HEATR5A: variants seen among roughly 807,000 people sequenced by gnomAD.
The protein encoded by HEATR5A is HEAT repeat containing 5A.
HEATR5A carries 178 observed loss-of-function variants against 218.8 expected under a neutral mutation model. The observed-to-expected ratio is 0.81, with a 90% CI of 0.72 to 0.92. The LOEUF is 0.92. Ranked by LOEUF, HEATR5A falls within the 40% of genes least tolerant of loss-of-function variation. The pLI, the probability that HEATR5A is intolerant of heterozygous loss-of-function variation, is 0.00. For missense variants in HEATR5A, 2,420 were observed against 2,418.9 expected, an observed-to-expected ratio of 1.00 and a Z score of -0.01; for synonymous variants, 864 against 871.6, an observed-to-expected ratio of 0.99 and a Z score of 0.15.
At chr14:31,405,339 C>T (rs767805701) in intron 1 of HEATR5A, among the ~76,000 whole-genome samples, 1 of 152,042 alleles carries the variant, frequency 6.6e-6, no homozygotes. Context: ...GAGGTTGAGG[C>T]AGGAGTATCG....
At chr14:31,383,460 A>G in intron 10 of HEATR5A, 61 bp downstream of exon 10, 1 of 1,488,422 alleles carries the variant, frequency 6.7e-7, no homozygotes, top group Non-Finnish European at 9.1e-7. Flanking sequence ...TTCTGTTACT[A>G]TGTGAAGATA....
chr14:31,337,657 T>G (rs1269774343), intron 21 of HEATR5A, 43 bp from the exon 22 acceptor site: 1 of 1,569,314 alleles, frequency 6.4e-7, no homozygotes, highest in South Asian at 1.2e-5. Context: ...AAAATTCTTG[T>G]TGGCACTCAG....
In HEATR5A at chr14:31,358,786, G is replaced by A. The variant is rs367722073; in HGVS notation, c.2262C>T (p.Cys754=). 48 of 1,613,536 alleles carry A rather than the reference G, an allele frequency of 3.0e-5. No individual in the cohort carries two copies. The highest frequency in any genetic ancestry group is 1.6e-4 in the Middle Eastern group (1 of 6,084). Residue 754 remains cysteine (C), a synonymous_variant, in exon 16 of 36, where the codon TGC becomes TGT. Coordinates refer to ENST00000543095, the MANE Select transcript of HEATR5A (RefSeq NM_015473.4). ...AATAAGGGTCATATTCAAGACTTCC[G>A]CAAGCAACACCATTACCAAGCAGGA... is the stretch of plus-strand genomic sequence containing the variant. ...EQLLLGNGVA[C]GSLEYDPYSI...
intron 24 of HEATR5A, among the ~76,000 whole-genome samples, chr14:31,322,831 A>AC (rs1900152142): frequency 6.6e-6 from 1 of 151,702 alleles, no homozygotes; most frequent in African/African-American, 2.4e-5. Flanking sequence ...AAAAAAAAAA[A>AC]AAAAACACAA....
chr14:31,381,529 G>A (rs2029981500), intron 10 of HEATR5A, among the ~76,000 whole-genome samples: 1 of 127,828 alleles, frequency 7.8e-6, no homozygotes, highest in Non-Finnish European at 1.6e-5. Context: ...ATTGCAGCCT[G>A]GGCAATAAAG....
chr14:31,389,767 C>T (rs2030374877), intron 6 of HEATR5A, among the ~76,000 whole-genome samples: 1 of 152,152 alleles, frequency 6.6e-6, no homozygotes, highest in Admixed American at 6.5e-5. Flanking sequence ...AAACCTCCTC[C>T]CTAGCCTAAA....
At position 31,377,318 on chromosome 14, in the gene HEATR5A, A is replaced by G. The variant is rs370791552; in HGVS notation, c.1709-2350T>C. Among the ~76,000 whole-genome samples the G allele has an allele frequency of 2.0e-5, 3 of 152,232 alleles. 1 individual carries two copies. The highest frequency in any genetic ancestry group is 7.2e-5 in the African/African-American group (3 of 41,534). On this transcript the variant is annotated intron_variant, in intron 11 of 35. Transcript: ENST00000543095. ...ATGAACCAACTTGAAGGGACTCCCA[A>G]TGACCAAAGATGAGACAATTTGAGG...
At chr14:31,314,420 AT>A (rs573540802) in intron 27 of HEATR5A, among the ~76,000 whole-genome samples, 10 of 148,148 alleles carry the variant, frequency 6.8e-5, no homozygotes, top group East Asian at 2.0e-4. Flanking sequence ...CGCCTGGCTA[AT>A]TTTTTTTTTA....
chr14:31,300,363 C>A (rs370807927), intron 33 of HEATR5A, among the ~76,000 whole-genome samples: 1 of 151,650 alleles, frequency 6.6e-6, no homozygotes, highest in Admixed American at 6.6e-5. Context: ...TTGGCTCACA[C>A]GGCAATCTCT....
intron 33 of HEATR5A, among the ~76,000 whole-genome samples, chr14:31,300,651 G>T (rs1482733046): frequency 1.3e-5 from 2 of 152,178 alleles, no homozygotes. Context: ...GGCCATTTCT[G>T]TCATATGTTA....
intron 2 of HEATR5A, among the ~76,000 whole-genome samples, chr14:31,401,480 A>T (rs919860094): frequency 5.3e-5 from 8 of 152,190 alleles, no homozygotes; most frequent in African/African-American, 1.9e-4. Flanking sequence ...TCTTCTTCAT[A>T]AATTACCCAG....
At chr14:31,411,668 A>T (rs553538243) in intron 1 of HEATR5A, among the ~76,000 whole-genome samples, 2 of 152,314 alleles carry the variant, frequency 1.3e-5, no homozygotes, top group East Asian at 3.9e-4. Context: ...GAGGGTGTGC[A>T]GATAGAGCAT....
chr14:31,341,786 G>C (rs1240616283), intron 21 of HEATR5A, among the ~76,000 whole-genome samples: 1 of 151,616 alleles, frequency 6.6e-6, no homozygotes, highest in Non-Finnish European at 1.5e-5. Flanking sequence ...TCATGTATCA[G>C]GTAAAGGAGA....
At chr14:31,320,481 G>A (rs1004817896) in intron 25 of HEATR5A, 28 of 1,360,546 alleles carry the variant, frequency 2.1e-5, no homozygotes, top group African/African-American at 1.1e-4. Context: ...TGGAACTCCC[G>A]TCTGGCCACC....
chr14:31,355,713 A>G (rs755507962), intron 16 of HEATR5A, among the ~76,000 whole-genome samples: 2 of 151,748 alleles, frequency 1.3e-5, no homozygotes, highest in African/African-American at 2.4e-5. Flanking sequence ...TGTCTCAAAG[A>G]AAAAAAAAGT....
intron 22 of HEATR5A, among the ~76,000 whole-genome samples, chr14:31,331,044 C>T (rs573918436): frequency 2.7e-4 from 40 of 146,152 alleles, no homozygotes; most frequent in Admixed American, 6.4e-4. Flanking sequence ...TGGGTTCAAA[C>T]GATTCTCCTG....
At chr14:31,294,151 T>TAA in intron 34 of HEATR5A, 47 bp from the exon 35 acceptor site, 1 of 1,252,588 alleles carries the variant, frequency 8.0e-7, no homozygotes, top group South Asian at 1.4e-5. Context: ...AATAAATTTT[T>TAA]AAAAAGTCCC....
chr14:31,394,992 G>C (rs952536725), intron 5 of HEATR5A, among the ~76,000 whole-genome samples: 1 of 152,114 alleles, frequency 6.6e-6, no homozygotes, highest in Admixed American at 6.6e-5. Context: ...CTGGAAACCT[G>C]AACTTCCTAC....
intron 1 of HEATR5A, among the ~76,000 whole-genome samples, chr14:31,404,346 C>T (rs1476223917): frequency 6.6e-6 from 1 of 152,068 alleles, no homozygotes; most frequent in East Asian, 1.9e-4. Flanking sequence ...CTAAACAAAC[C>T]TCATACTTTT....
Sources: allele counts gnomAD v4.1 joint callset (sites outside exome capture counted in the v4.1 genomes callset), GRCh38; gene constraint gnomAD v4.1.1; transcripts MANE v1.5; gene names NCBI Gene and HGNC (gene_info 2026-07-23, HGNC 2026-07-21).